Variants in CPED1 observed in about 807,000 individuals in gnomAD.
The protein encoded by CPED1 is cadherin like and PC-esterase domain containing 1.
Under a neutral mutation model 128.2 loss-of-function variants are expected in CPED1, and 114 were observed. The ratio of observed to expected loss-of-function variants is 0.89; its 90% CI spans 0.76 to 1.04. The LOEUF is 1.04. Among genes scored for constraint, CPED1 ranks in the 50% least tolerant of loss-of-function variants. The pLI, the probability that CPED1 is intolerant of heterozygous loss-of-function variation, is 0.00. For missense variants in CPED1, 1,211 were observed against 1,207.1 expected (o/e 1.00, Z -0.05); for synonymous variants, 462 against 426.7 (o/e 1.08, Z -1.02).
Position 121,140,917 on chromosome 7 carries a change from A to T in CPED1, c.1790A>T (p.Tyr597Phe), listed in dbSNP as rs908301851. 9.9e-6 allele frequency: 16 copies of T among 1,612,436 alleles called. No homozygotes were observed. Among genetic ancestry groups the T allele is most frequent in the African/African-American group, 1.3e-5 (1 of 74,952 alleles). ...TTTCATCCAAAGATCAAAGATTATT[A>T]CTGTGAAGTCCCATTTGATGTGGTA... ...PDFHPKIKDY[Y>F]CEVPFDVVTV... The change falls in exon 15 of 23, where the codon TAC becomes TTC. Residue 597 changes from tyrosine to phenylalanine, a missense_variant. By Grantham distance (22) the Tyr-to-Phe change is conservative (BLOSUM62 3). Coordinates refer to ENST00000310396, the MANE Select transcript of CPED1 (RefSeq NM_024913.5).
At chr7:121,121,809 A>G (rs1479832575) in intron 7 of CPED1, among the ~76,000 whole-genome samples, 1 of 152,196 alleles carries the variant, frequency 6.6e-6, no homozygotes, top group Non-Finnish European at 1.5e-5. Flanking sequence ...ATAATTTCAG[A>G]TTTGTCATTG....
intron 16 of CPED1, among the ~76,000 whole-genome samples, chr7:121,182,114 C>A (rs180766729): frequency 6.7e-4 from 100 of 149,852 alleles, no homozygotes; most frequent in African/African-American, 2.4e-3. Flanking sequence ...TTATTTTAGA[C>A]AATAAGAATC....
At chr7:121,164,365 C>A (rs189342049) in intron 16 of CPED1, among the ~76,000 whole-genome samples, 2 of 152,200 alleles carry the variant, frequency 1.3e-5, no homozygotes, top group Non-Finnish European at 2.9e-5. Flanking sequence ...ATCCCCTCCC[C>A]GAAAGACAGT....
At chr7:121,289,027 C>A (rs1198671582) in intron 22 of CPED1, among the ~76,000 whole-genome samples, 1 of 152,076 alleles carries the variant, frequency 6.6e-6, no homozygotes, top group South Asian at 2.1e-4. Context: ...TTTAGAGTTG[C>A]CATATAACCA....
intron 2 of CPED1, 71 bp downstream of exon 2, chr7:120,989,941 A>G: frequency 7.6e-6 from 12 of 1,571,514 alleles, no homozygotes; most frequent in Non-Finnish European, 1.0e-5. Flanking sequence ...TCCTTTCTAT[A>G]AAACTAAAAT....
At chr7:121,105,491 C>T (rs775861621) in intron 7 of CPED1, among the ~76,000 whole-genome samples, 10 of 152,022 alleles carry the variant, frequency 6.6e-5, no homozygotes, top group Non-Finnish European at 1.3e-4. Flanking sequence ...TCGCTAGGCC[C>T]GGGAGATTTA....
chr7:121,103,671 TTGTGTG>T (rs142776626), intron 7 of CPED1, among the ~76,000 whole-genome samples: 12 of 151,286 alleles, frequency 7.9e-5, no homozygotes, highest in Non-Finnish European at 1.8e-4. Flanking sequence ...AAACATAATT[TTGTGTG>T]TGTGTGTGTA....
At chr7:121,253,833 TATA>T (rs1238700184) in intron 18 of CPED1, among the ~76,000 whole-genome samples, 1 of 152,088 alleles carries the variant, frequency 6.6e-6, no homozygotes, top group Non-Finnish European at 1.5e-5. Context: ...AAAGGTATTA[TATA>T]ATAATAAAGA....
At position 121,241,098 on chromosome 7, in the gene CPED1, C is replaced by T. The variant is rs1441042823; in HGVS notation, c.2174-3104C>T. On this transcript the variant is annotated intron_variant, in intron 17 of 22. Transcript: ENST00000310396. Reference sequence around the variant, plus strand: ...GTGGCTCACGCCTGTAATCCCAGCACTTTGGGAGGCCGAGGCGGGCGGATC... The same window carrying T: ...GTGGCTCACGCCTGTAATCCCAGCATTTTGGGAGGCCGAGGCGGGCGGATC... Among the ~76,000 whole-genome samples, 2 of 52,082 alleles carry T rather than the reference C, an allele frequency of 3.8e-5. 1 individual carries two copies. The highest frequency in any genetic ancestry group is 9.1e-5 in the Non-Finnish European group (2 of 22,038). 34.2% of individuals were successfully genotyped at this position (52,082 alleles called of 152,430 possible).
At chr7:121,146,431 A>G (rs559404473) in intron 16 of CPED1, among the ~76,000 whole-genome samples, 2 of 152,258 alleles carry the variant, frequency 1.3e-5, no homozygotes, top group African/African-American at 4.8e-5. Flanking sequence ...TTCAAACTAC[A>G]GCAAACTTAA....
At chr7:121,150,202 C>G (rs1796124452) in intron 16 of CPED1, among the ~76,000 whole-genome samples, 1 of 150,774 alleles carries the variant, frequency 6.6e-6, no homozygotes, top group Admixed American at 6.7e-5. Context: ...ACCCTTGCCT[C>G]CCTCCCTTTC....
intron 4 of CPED1, among the ~76,000 whole-genome samples, chr7:121,047,294 G>A (rs970178695): frequency 1.3e-5 from 2 of 152,104 alleles, no homozygotes; most frequent in African/African-American, 2.4e-5. Flanking sequence ...CACCGAAGTG[G>A]TAAAGTCTTT....
chr7:121,102,049 A>G (rs6466769), intron 7 of CPED1, among the ~76,000 whole-genome samples: 43,693 of 152,076 alleles, frequency 0.29, 6,709 homozygotes, highest in Middle Eastern at 0.38. Flanking sequence ...TGCTGCATGT[A>G]TAACTTAAAT....
At position 121,248,876 on chromosome 7, in the gene CPED1, T is replaced by C. The variant is rs1047594100; in HGVS notation, c.2310+4538T>C. On this transcript the variant is annotated intron_variant, in intron 18 of 22. Coordinates refer to ENST00000310396, the MANE Select transcript of CPED1 (RefSeq NM_024913.5). ...ATAGACATAGAATTCAGAATATGGA[T>C]GTCAAAGAAACTCATCAAGATTCAA... Among the ~76,000 whole-genome samples the C allele has an allele frequency of 1.1e-4, 17 of 152,186 alleles. No individual in the cohort carries two copies. The East Asian group carries it at 3.3e-3, about 29-fold the overall frequency.
intron 7 of CPED1, among the ~76,000 whole-genome samples, chr7:121,110,375 G>T (rs374841745): frequency 6.6e-6 from 1 of 152,130 alleles, no homozygotes; most frequent in Non-Finnish European, 1.5e-5. Flanking sequence ...ATAGTTACAG[G>T]TATTTAATAT....
chr7:121,085,889 C>G (rs189483550), intron 5 of CPED1, among the ~76,000 whole-genome samples: 1,539 of 152,204 alleles, frequency 0.01, 12 homozygotes, highest in Non-Finnish European at 0.015. Context: ...AACAATGTCC[C>G]GACTGAGCCT....
intron 16 of CPED1, among the ~76,000 whole-genome samples, chr7:121,201,853 C>T (rs1797408298): frequency 6.6e-6 from 1 of 152,046 alleles, no homozygotes; most frequent in African/African-American, 2.4e-5. Flanking sequence ...TTAGCCTGAA[C>T]ACGAAAGAAG....
At chr7:121,015,340 G>A (rs1311328873) in intron 2 of CPED1, among the ~76,000 whole-genome samples, 2 of 152,190 alleles carry the variant, frequency 1.3e-5, no homozygotes, top group African/African-American at 4.8e-5. Context: ...AAAGCACAGT[G>A]CAGATTAAAG....
rs563551300 is a variant in CPED1, at chr7:121,064,735, G to C, written c.616+422G>C. Among the ~76,000 whole-genome samples, 6 of 152,240 alleles carry C rather than the reference G, an allele frequency of 3.9e-5. No homozygotes were observed. In the South Asian group the frequency reaches 1.2e-3, roughly 32 times the overall value. ...TTTCTGGAATCCTCTCAATTTGTCTGTGTGTTAAATACAGGACACTGAATG... is the reference window on the plus strand; with the variant it reads ...TTTCTGGAATCCTCTCAATTTGTCTCTGTGTTAAATACAGGACACTGAATG... On this transcript the variant is annotated intron_variant, in intron 5 of 22. Coordinates refer to ENST00000310396, the MANE Select transcript of CPED1 (RefSeq NM_024913.5).
Sources: allele counts gnomAD v4.1 joint callset (sites outside exome capture counted in the v4.1 genomes callset), GRCh38; gene constraint gnomAD v4.1.1; transcripts MANE v1.5; gene names NCBI Gene and HGNC (gene_info 2026-07-23, HGNC 2026-07-21).